The following EXOC4 variants were observed in gnomAD, a reference collection of about 807,000 sequenced individuals.
EXOC4 encodes the protein SEC8-like 1.
A neutral mutation model predicts 107.2 loss-of-function variants in EXOC4; 71 were observed. The observed-to-expected ratio is 0.66, with a 90% CI of 0.55 to 0.81. The LOEUF is 0.81. EXOC4 is among the 30% of genes least tolerant of loss of function. The pLI is 0.00. For missense variants in EXOC4, 1,108 were observed against 1,189.6 expected (o/e 0.93, Z 1.01); for synonymous variants, 456 against 441.2 (o/e 1.03, Z -0.42).
At chr7:133,396,447 T>A (rs996612391) in intron 7 of EXOC4, 2 of 152,242 alleles carry the variant, frequency 1.3e-5, no homozygotes, top group African/African-American at 4.8e-5. Flanking sequence ...AATCTTGGTC[T>A]GGTTTCAAAA....
At chr7:133,436,054 T>TG (rs1236521099) in intron 7 of EXOC4, among the ~76,000 whole-genome samples, 1 of 151,428 alleles carries the variant, frequency 6.6e-6, no homozygotes, top group African/African-American at 2.4e-5. Context: ...CAGTGTTTTT[T>TG]TTTTTTTGTT....
intron 10 of EXOC4, among the ~76,000 whole-genome samples, chr7:133,714,111 C>A (rs918436616): frequency 2.0e-5 from 3 of 152,058 alleles, no homozygotes; most frequent in African/African-American, 7.2e-5. Flanking sequence ...TAGGTAGAAG[C>A]TTTCTAGAGT....
intron 7 of EXOC4, among the ~76,000 whole-genome samples, chr7:133,400,770 T>C (rs1584886668): frequency 6.6e-6 from 1 of 152,172 alleles, no homozygotes; most frequent in East Asian, 1.9e-4. Flanking sequence ...TTGTGCCCTG[T>C]TTTGTGTTAC....
At chr7:133,810,417 G>T (rs1254706030) in intron 10 of EXOC4, among the ~76,000 whole-genome samples, 1 of 152,116 alleles carries the variant, frequency 6.6e-6, no homozygotes, top group Non-Finnish European at 1.5e-5. Context: ...AATGTTCATA[G>T]TGTGTCCTCA....
chr7:133,786,846 C>T lies in EXOC4; in HGVS notation c.1515-30479C>T, dbSNP rs78142672. Among the ~76,000 whole-genome samples the T allele has an allele frequency of 5.5e-3, 830 of 152,196 alleles. 9 individuals are homozygous for T. Among genetic ancestry groups the T allele is most frequent in the African/African-American group, 0.019 (773 of 41,458 alleles). On this transcript the variant is annotated intron_variant, in intron 10 of 17. Coordinates refer to ENST00000253861, the MANE Select transcript of EXOC4 (RefSeq NM_021807.4). ...TCCTAATCATCCAGGCAAACAAAGTCAGAATGTATTAGTCCACTAATGTAT... is the reference window on the plus strand; with the variant it reads ...TCCTAATCATCCAGGCAAACAAAGTTAGAATGTATTAGTCCACTAATGTAT...
intron 5 of EXOC4, among the ~76,000 whole-genome samples, chr7:133,341,780 C>T (rs552594522): frequency 1.3e-5 from 2 of 152,158 alleles, no homozygotes; most frequent in East Asian, 3.9e-4. Flanking sequence ...TTATCATTAT[C>T]TAATGTCCCT....
At chr7:133,263,631 C>G (rs931900005) in intron 1 of EXOC4, among the ~76,000 whole-genome samples, 3 of 152,058 alleles carry the variant, frequency 2.0e-5, no homozygotes, top group South Asian at 4.1e-4. Context: ...ATCTGCCTGC[C>G]TTGGCCTCCC....
intron 14 of EXOC4, among the ~76,000 whole-genome samples, chr7:133,975,044 T>C (rs1159463396): frequency 4.6e-5 from 7 of 151,966 alleles, no homozygotes; most frequent in African/African-American, 1.7e-4. Flanking sequence ...TTGAGTTCTG[T>C]ATCGCATATG....
intron 14 of EXOC4, among the ~76,000 whole-genome samples, chr7:133,970,392 T>C (rs1801177994): frequency 1.3e-5 from 2 of 151,168 alleles, no homozygotes; most frequent in African/African-American, 4.9e-5. Context: ...CACTGTGGTA[T>C]GAAAAAAAAA....
chr7:133,930,779 T>C (rs1007194756), intron 13 of EXOC4: 9 of 152,222 alleles, frequency 5.9e-5, no homozygotes, highest in African/African-American at 1.9e-4. Context: ...TATGTGTTTA[T>C]GTGTATTTAT....
chr7:133,726,550 A>G (rs1322382745), intron 10 of EXOC4, among the ~76,000 whole-genome samples: 2 of 152,176 alleles, frequency 1.3e-5, no homozygotes, highest in Admixed American at 6.5e-5. Flanking sequence ...TTGAACTGCA[A>G]CACCTCTTCA....
chr7:133,418,422 A>T (rs1211298914), intron 7 of EXOC4, among the ~76,000 whole-genome samples: 1 of 152,210 alleles, frequency 6.6e-6, no homozygotes, highest in African/African-American at 2.4e-5. Flanking sequence ...TTCACATTGT[A>T]CTGCTAAGAT....
intron 5 of EXOC4, among the ~76,000 whole-genome samples, chr7:133,323,242 T>C (rs1015739403): frequency 6.6e-6 from 1 of 152,070 alleles, no homozygotes; most frequent in Non-Finnish European, 1.5e-5. Flanking sequence ...GAACTTCCAA[T>C]AGTATGTTGA....
intron 10 of EXOC4, among the ~76,000 whole-genome samples, chr7:133,800,416 A>G (rs79494441): frequency 0.023 from 3,463 of 152,236 alleles, 132 homozygotes; most frequent in African/African-American, 0.078. Context: ...GAGTCGTTCT[A>G]TTTCTTAAGA....
At chr7:133,988,945 A>G (rs1794183171) in intron 14 of EXOC4, among the ~76,000 whole-genome samples, 2 of 152,198 alleles carry the variant, frequency 1.3e-5, no homozygotes, top group African/African-American at 4.8e-5. Flanking sequence ...AGAAATTAAC[A>G]TAGTCAAATT....
At chr7:134,039,513 A>G (rs994070224) in intron 17 of EXOC4, among the ~76,000 whole-genome samples, 1 of 152,176 alleles carries the variant, frequency 6.6e-6, no homozygotes, top group Non-Finnish European at 1.5e-5. Flanking sequence ...AGAACAGGCA[A>G]TCACACATAC....
At chr7:133,416,140 G>C (rs1797470005) in intron 7 of EXOC4, among the ~76,000 whole-genome samples, 1 of 152,116 alleles carries the variant, frequency 6.6e-6, no homozygotes, top group Non-Finnish European at 1.5e-5. Flanking sequence ...ATTGTAGGGA[G>C]TATACAATAT....
intron 10 of EXOC4, among the ~76,000 whole-genome samples, chr7:133,816,600 T>C (rs898008166): frequency 1.1e-4 from 17 of 152,178 alleles, no homozygotes; most frequent in Non-Finnish European, 2.5e-4. Context: ...TATATATACA[T>C]GTAAAGCAGC....
At chr7:133,949,609 G>C (rs1372074649) in intron 14 of EXOC4, among the ~76,000 whole-genome samples, 1 of 152,174 alleles carries the variant, frequency 6.6e-6, no homozygotes. Context: ...CAGCAAGTCT[G>C]TCAAAAGCTT....
Sources: gnomAD v4.1 joint callset for allele counts (sites outside exome capture counted in the v4.1 genomes callset) on GRCh38, gnomAD v4.1.1 for gene constraint, MANE v1.5 for transcripts, NCBI Gene and HGNC (gene_info 2026-07-23, HGNC 2026-07-21) for gene names.